Variants in B3GNT2 observed in about 807,000 individuals in gnomAD.
The protein encoded by B3GNT2 is N-acetyllactosaminide beta-1,3-N-acetylglucosaminyltransferase 2.
Under a neutral mutation model 27.6 loss-of-function variants are expected in B3GNT2, and 12 were observed. The ratio of observed to expected loss-of-function variants is 0.44; its 90% CI spans 0.28 to 0.71. B3GNT2 has a LOEUF of 0.71. B3GNT2 is among the 30% of genes least tolerant of loss of function. B3GNT2 has a pLI of 0.17. For missense variants in B3GNT2, 413 were observed against 488.5 expected, an observed-to-expected ratio of 0.85 and a Z score of 1.46; for synonymous variants, 192 against 189.7, an observed-to-expected ratio of 1.01 and a Z score of -0.10.
intron 1 of B3GNT2, among the ~76,000 whole-genome samples, chr2:62,200,932 A>G (rs1394546993): frequency 1.3e-5 from 2 of 152,238 alleles, no homozygotes; most frequent in Admixed American, 6.5e-5. Context: ...GGGAATGCCT[A>G]AAGTTAAAAT....
At chr2:62,207,264 C>G (rs1268672938) in intron 1 of B3GNT2, among the ~76,000 whole-genome samples, 5 of 152,072 alleles carry the variant, frequency 3.3e-5, no homozygotes, top group African/African-American at 4.8e-5. Flanking sequence ...ACCGCAACCT[C>G]TGCTTCCTGG....
chr2:62,214,660 TG>T (rs917492555), intron 1 of B3GNT2, among the ~76,000 whole-genome samples: 1 of 152,196 alleles, frequency 6.6e-6, no homozygotes, highest in African/African-American at 2.4e-5. Context: ...GTTTAGGGTT[TG>T]GTGGAAAAGG....
Position 62,222,462 on chromosome 2 carries a change from C to A in B3GNT2, c.242C>A (p.Thr81Lys), listed in dbSNP as rs767688621. 8.1e-6 allele frequency: 13 copies of A among 1,613,944 alleles called. No homozygotes were observed. In the Admixed American group the frequency reaches 1.7e-4, roughly 21 times the overall value. ...NPILSMLTNQ[T>K]GEAGRLSNIS... ...ATCCTGAGCATGCTGACCAACCAGA[C>A]GGGGGAGGCGGGCAGGCTCTCCAAT... Residue 81 changes from threonine (T) to lysine (K), a missense_variant, in exon 2 of 2, where the codon ACG (threonine) becomes AAG (lysine). Thr to Lys is a moderately conservative substitution (Grantham distance 78, BLOSUM62 -1). Coordinates refer to ENST00000301998, the MANE Select transcript of B3GNT2 (RefSeq NM_006577.6). This position sits in a 1 kb window ranked among gnomAD's most constrained non-coding sequence, Gnocchi z 4.2.
chr2:62,219,792 A>C (rs1674647651), intron 1 of B3GNT2, among the ~76,000 whole-genome samples: 1 of 152,158 alleles, frequency 6.6e-6, no homozygotes, highest in South Asian at 2.1e-4. Flanking sequence ...AAGTCTCCAA[A>C]GGTATGAGGT....
chr2:62,203,003 T>C (rs915653620), intron 1 of B3GNT2, among the ~76,000 whole-genome samples: 3 of 152,202 alleles, frequency 2.0e-5, no homozygotes, highest in Non-Finnish European at 4.4e-5. Context: ...TCACCCGGCA[T>C]AAAGCAGCCT....
chr2:62,216,402 CT>C (rs199798082), intron 1 of B3GNT2, among the ~76,000 whole-genome samples: 9 of 134,876 alleles, frequency 6.7e-5, no homozygotes, highest in South Asian at 2.3e-4. Context: ...TCTGATTTTT[CT>C]TTTTTTTTGT....
chr2:62,224,028 A>G lies in B3GNT2; in HGVS notation c.*614A>G, dbSNP rs190154708. On this transcript the variant is annotated 3_prime_UTR_variant, in exon 2 of 2. Coordinates refer to ENST00000301998, the MANE Select transcript of B3GNT2 (RefSeq NM_006577.6). ...AGAATCATGGTGTGACACTCATCTAATTTATCTTGTTGTGATGTTATGGTC... is the reference window on the plus strand; with the variant it reads ...AGAATCATGGTGTGACACTCATCTAGTTTATCTTGTTGTGATGTTATGGTC... 30 of 167,218 alleles carry G rather than the reference A, an allele frequency of 1.8e-4. No individual in the cohort carries two copies. The highest frequency in any genetic ancestry group is 6.5e-4 in the Admixed American group (10 of 15,310). The allele number at this position is 167,218 out of a possible 1,614,324, so 10.4% of individuals were successfully genotyped here.
intron 1 of B3GNT2, among the ~76,000 whole-genome samples, chr2:62,214,150 C>T (rs1233720977): frequency 6.6e-6 from 1 of 152,146 alleles, no homozygotes; most frequent in Admixed American, 6.5e-5. Context: ...GAAAGGAGTT[C>T]TAGAAAACAA....
chr2:62,206,609 G>C (rs1674380808), intron 1 of B3GNT2, among the ~76,000 whole-genome samples: 1 of 151,772 alleles, frequency 6.6e-6, no homozygotes, highest in African/African-American at 2.4e-5. Flanking sequence ...TCTCTCTGTT[G>C]CCCAGGCTGG....
intron 1 of B3GNT2, among the ~76,000 whole-genome samples, chr2:62,211,414 G>A (rs1674480293): frequency 6.6e-6 from 1 of 151,994 alleles, no homozygotes. Context: ...ATTCTGGCAG[G>A]GGAGTTAGAG....
At chr2:62,212,721 A>G (rs533604448) in intron 1 of B3GNT2, among the ~76,000 whole-genome samples, 1 of 152,086 alleles carries the variant, frequency 6.6e-6, no homozygotes, top group East Asian at 1.9e-4. Flanking sequence ...CTGCCCTACC[A>G]AATTTTGGGA....
At position 62,222,720 on chromosome 2, in the gene B3GNT2, A is replaced by G. The variant is rs913095459; in HGVS notation, c.500A>G (p.Gln167Arg). 1.9e-6 allele frequency: 3 copies of G among 1,614,224 alleles called. No individual in the cohort carries two copies. Among genetic ancestry groups the G allele is most frequent in the Non-Finnish European group, 1.7e-6 (2 of 1,180,036 alleles). The stretch of plus-strand genomic sequence containing the variant: ...CAAGCAATCCGGGAATCCTGGGGCC[A>G]AGAAAGCAACGCAGGGAACCAAACG... ...RRQAIRESWGQESNAGNQTVV... is the reference protein window; with the variant it reads ...RRQAIRESWGRESNAGNQTVV... Residue 167 changes from glutamine (Q) to arginine (R), a missense_variant, in exon 2 of 2, where the codon CAA becomes CGA. Gln to Arg is a conservative substitution (Grantham distance 43). Transcript: ENST00000301998. The surrounding 1 kb of genome is among the most constrained non-coding windows in gnomAD (Gnocchi z 4.2).
Position 62,222,381 on chromosome 2 carries a change from C to G in B3GNT2, c.161C>G (p.Pro54Arg), listed in dbSNP as rs138422692. Residue 54 changes from proline to arginine, a missense_variant, in exon 2 of 2, where the codon CCT (proline) becomes CGT (arginine). Physicochemically the swap from Pro to Arg is moderately radical, Grantham distance 103 (BLOSUM62 -2). Coordinates refer to ENST00000301998, the MANE Select transcript of B3GNT2 (RefSeq NM_006577.6). The surrounding 1 kb of genome is among the most constrained non-coding windows in gnomAD (Gnocchi z 4.2). ...GAGAAGTTCTGGAAGATATCTACCC[C>G]TCCCGAGGCATACTGGAACCGAGAG... ...PKEKFWKIST[P>R]PEAYWNREQE... The G allele has an allele frequency of 7.1e-5, 114 of 1,614,092 alleles. No individual in the cohort carries two copies. The African/African-American group carries it at 1.4e-3, about 19-fold the overall frequency.
At chr2:62,205,391 A>G (rs1182026231) in intron 1 of B3GNT2, among the ~76,000 whole-genome samples, 1 of 152,248 alleles carries the variant, frequency 6.6e-6, no homozygotes, top group African/African-American at 2.4e-5. Flanking sequence ...TTTATAGAAC[A>G]TTTGGATAAA....
intron 1 of B3GNT2, among the ~76,000 whole-genome samples, chr2:62,218,061 T>G (rs1674608503): frequency 6.6e-6 from 1 of 152,342 alleles, no homozygotes; most frequent in South Asian, 2.1e-4. Context: ...TTCCCCCAGC[T>G]TTGGGGTGAG....
rs1263554871 is a variant in B3GNT2, at chr2:62,224,129, G to T, written c.*715G>T. The T allele has an allele frequency of 6.0e-6, 1 of 167,016 alleles. No homozygotes were observed. Among genetic ancestry groups the T allele is most frequent in the Non-Finnish European group, 1.5e-5 (1 of 68,100 alleles). The allele number at this position is 167,016 out of a possible 1,614,324, so 10.3% of individuals were successfully genotyped here. A position where few individuals can be genotyped will look rare whatever the true frequency, so the allele number is the denominator to read the frequency against. On this transcript the variant is annotated 3_prime_UTR_variant, in exon 2 of 2. Transcript: ENST00000301998. ...GTATCATAGTGTAATTTTAGTATTT[G>T]AAAATCAGTGTGATTCCTTAATGGC...
chr2:62,217,914 A>G (rs574114904), intron 1 of B3GNT2, among the ~76,000 whole-genome samples: 2 of 152,224 alleles, frequency 1.3e-5, no homozygotes, highest in African/African-American at 4.8e-5. Flanking sequence ...AACAAAACCA[A>G]CTGAAGTTTC....
rs1185599978 is a variant in B3GNT2, at chr2:62,223,137, GA to G, written c.918del (p.Phe309SerfsTer9). The G allele has an allele frequency of 6.2e-7, 1 of 1,614,208 alleles. No homozygotes were observed. The highest frequency in any genetic ancestry group is 8.5e-7 in the Non-Finnish European group (1 of 1,180,022). The stretch of plus-strand genomic sequence containing the variant: ...GGCCTCTACCCACCCTATGCAGGGG[GA>G]GGGGGGTTCCTCTACTCCGGCCACC... ...YSGLYPPYAGGGGFLYSGHLA... is the reference protein window; with the variant it reads ...YSGLYPPYAGXGGFLYSGHLA... On this transcript the variant is annotated frameshift_variant, in exon 2 of 2. Transcript: ENST00000301998. LOFTEE classifies it high-confidence loss of function.
chr2:62,222,914 A>G lies in B3GNT2; in HGVS notation c.694A>G (p.Ser232Gly). The change falls in exon 2 of 2, where the codon AGT becomes GGT. Residue 232 changes from serine (S) to glycine (G), a missense_variant. By Grantham distance (56) the Ser-to-Gly change is moderately conservative (BLOSUM62 0). Transcript: ENST00000301998. The surrounding 1 kb of genome is among the most constrained non-coding windows in gnomAD (Gnocchi z 4.2). Reference sequence around the variant, plus strand: ...GGAAGTGCTGTTTCTCAGGTGGGTAAGTACTTCCTGCCCAGACACTGAGTT... The same window carrying G: ...GGAAGTGCTGTTTCTCAGGTGGGTAGGTACTTCCTGCCCAGACACTGAGTT... ...LKEVLFLRWVSTSCPDTEFVF... is the reference protein window; with the variant it reads ...LKEVLFLRWVGTSCPDTEFVF... The G allele has an allele frequency of 6.2e-7, 1 of 1,614,196 alleles. No homozygotes were observed. The highest frequency in any genetic ancestry group is 2.2e-5 in the East Asian group (1 of 44,888).
Sources: gnomAD v4.1 joint callset for allele counts (sites outside exome capture counted in the v4.1 genomes callset) on GRCh38, gnomAD v4.1.1 for gene constraint, Gnocchi (gnomAD v3.1) non-coding constraint, MANE v1.5 for transcripts, NCBI Gene and HGNC (gene_info 2026-07-23, HGNC 2026-07-21) for gene names.